The following FBXO36 variants were observed in gnomAD, a reference collection of about 807,000 sequenced individuals.
The protein encoded by FBXO36 is F-box protein 36, also known as F-box only protein 36.
Under a neutral mutation model 17.0 loss-of-function variants are expected in FBXO36, and 18 were observed. That is an observed-to-expected ratio of 1.06 (90% CI 0.73 to 1.57). The LOEUF (loss-of-function observed/expected upper bound fraction) is 1.57, where lower values mean the gene tolerates loss of function less well. Ranked by LOEUF, FBXO36 falls within the 40% of genes most tolerant of loss-of-function variation. The pLI, the probability that FBXO36 is intolerant of heterozygous loss-of-function variation, is 0.00. For synonymous variants in FBXO36, 83 were observed against 85.3 expected, an observed-to-expected ratio of 0.97 and a Z score of 0.15; for missense variants, 229 against 221.9, an observed-to-expected ratio of 1.03 and a Z score of -0.20.
At chr2:229,969,233 T>G (rs969729028) in intron 1 of FBXO36, among the ~76,000 whole-genome samples, 8 of 151,824 alleles carry the variant, frequency 5.3e-5, no homozygotes, top group Non-Finnish European at 1.0e-4. Flanking sequence ...TTTTCTTTTT[T>G]GAGACAGGGT....
intron 1 of FBXO36, among the ~76,000 whole-genome samples, chr2:229,931,772 G>A (rs917403949): frequency 2.0e-5 from 3 of 152,182 alleles, no homozygotes; most frequent in African/African-American, 7.2e-5. Flanking sequence ...CTGGGAGGTG[G>A]AAGTTGCAGT....
At chr2:229,970,704 A>G (rs905211627) in intron 1 of FBXO36, among the ~76,000 whole-genome samples, 31 of 152,186 alleles carry the variant, frequency 2.0e-4, no homozygotes, top group African/African-American at 7.2e-4. Context: ...TCAGATCCTG[A>G]AGATAGATAA....
chr2:229,973,577 C>A (rs1246808944), intron 1 of FBXO36, among the ~76,000 whole-genome samples: 6 of 151,772 alleles, frequency 4.0e-5, no homozygotes, highest in Admixed American at 2.0e-4. Flanking sequence ...AAAAATTAGC[C>A]AGGTGCCGTG....
At chr2:229,955,385 AC>A (rs1259069325) in intron 1 of FBXO36, among the ~76,000 whole-genome samples, 2 of 152,006 alleles carry the variant, frequency 1.3e-5, no homozygotes, top group African/African-American at 2.4e-5. Context: ...GCATGCTGGC[AC>A]TTGCCTGTAG....
At chr2:229,951,376 TG>T (rs2077057198) in intron 1 of FBXO36, among the ~76,000 whole-genome samples, 1 of 152,086 alleles carries the variant, frequency 6.6e-6, no homozygotes. Flanking sequence ...CCCAAGTAGC[TG>T]GGATTACAGG....
At chr2:229,998,318 T>A (rs1382162914) in intron 3 of FBXO36, among the ~76,000 whole-genome samples, 1 of 151,906 alleles carries the variant, frequency 6.6e-6, no homozygotes, top group Non-Finnish European at 1.5e-5. Flanking sequence ...CAGTACATTT[T>A]TAAAAAATTA....
intron 1 of FBXO36, among the ~76,000 whole-genome samples, chr2:229,960,898 C>T (rs2077117226): frequency 6.6e-6 from 1 of 152,138 alleles, no homozygotes; most frequent in South Asian, 2.1e-4. Flanking sequence ...CACCTGAGGT[C>T]AGGAGTTCGA....
intron 1 of FBXO36, among the ~76,000 whole-genome samples, chr2:229,938,184 C>T (rs1227217316): frequency 2.1e-5 from 3 of 143,104 alleles, no homozygotes; most frequent in African/African-American, 5.2e-5. Flanking sequence ...CGTGAGCCAC[C>T]GCGCCCAACC....
intron 1 of FBXO36, among the ~76,000 whole-genome samples, chr2:229,930,130 T>C (rs1165430806): frequency 6.6e-6 from 1 of 151,708 alleles, no homozygotes; most frequent in African/African-American, 2.4e-5. Context: ...GAAAGATCAC[T>C]CGAGGCCAGG....
chr2:229,995,501 T>G (rs2077320403), intron 2 of FBXO36, among the ~76,000 whole-genome samples: 1 of 152,042 alleles, frequency 6.6e-6, no homozygotes, highest in Non-Finnish European at 1.5e-5. Flanking sequence ...TCATAATAAT[T>G]TTTATGAAAT....
chr2:229,927,213 A>G (rs2439570), intron 1 of FBXO36, among the ~76,000 whole-genome samples: 77,119 of 152,084 alleles, frequency 0.51, 19,817 homozygotes, highest in East Asian at 0.68. Flanking sequence ...TGACACATAT[A>G]TATTCCTATT....
At chr2:229,982,277 T>G (rs2077244408) in intron 2 of FBXO36, among the ~76,000 whole-genome samples, 1 of 152,154 alleles carries the variant, frequency 6.6e-6, no homozygotes, top group African/African-American at 2.4e-5. Flanking sequence ...CTGCCTGCCT[T>G]GGCCTCCCGT....
chr2:229,995,534 C>CTTTATATT (rs2077320504), intron 2 of FBXO36, among the ~76,000 whole-genome samples: 2 of 149,858 alleles, frequency 1.3e-5, no homozygotes, highest in Non-Finnish European at 3.0e-5. Context: ...CTCTTTGCCT[C>CTTTATATT]TTTATATTTT....
At chr2:230,000,566 A>G (rs898849079) in intron 3 of FBXO36, among the ~76,000 whole-genome samples, 1 of 151,952 alleles carries the variant, frequency 6.6e-6, no homozygotes, top group Non-Finnish European at 1.5e-5. Context: ...ATTTGATAGG[A>G]AACAGCAGCA....
intron 1 of FBXO36, among the ~76,000 whole-genome samples, chr2:229,949,538 TACACACAC>T (rs56048655): frequency 3.3e-5 from 5 of 149,426 alleles, no homozygotes; most frequent in East Asian, 2.0e-4. Flanking sequence ...GTAAAATGTA[TACACACAC>T]ACACACACAC....
intron 1 of FBXO36, among the ~76,000 whole-genome samples, chr2:229,930,984 G>A (rs1321975667): frequency 1.1e-4 from 17 of 152,116 alleles, no homozygotes; most frequent in South Asian, 4.1e-4. Flanking sequence ...TGTTCCTCAT[G>A]TTTGACACAC....
chr2:229,935,174 A>G (rs1247912642), intron 1 of FBXO36, among the ~76,000 whole-genome samples: 1 of 152,202 alleles, frequency 6.6e-6, no homozygotes, highest in African/African-American at 2.4e-5. Flanking sequence ...ATTTCTTACA[A>G]ATGTTTTATT....
chr2:229,977,936 A>G (rs2077218427), intron 2 of FBXO36, among the ~76,000 whole-genome samples: 1 of 151,728 alleles, frequency 6.6e-6, no homozygotes, highest in South Asian at 2.1e-4. Flanking sequence ...CTTCGACTAA[A>G]CTCTTTAATA....
intron 2 of FBXO36, among the ~76,000 whole-genome samples, chr2:229,982,441 G>C (rs191074402): frequency 1.3e-5 from 2 of 151,914 alleles, no homozygotes; most frequent in Non-Finnish European, 2.9e-5. Context: ...TCCTGCCTTC[G>C]TCTTTCCCTT....
Sources: allele counts gnomAD v4.1 joint callset (sites outside exome capture counted in the v4.1 genomes callset), GRCh38; gene constraint gnomAD v4.1.1; transcripts MANE v1.5; gene names NCBI Gene and HGNC (gene_info 2026-07-23, HGNC 2026-07-21).